Variants in PTPRG observed in about 807,000 individuals in gnomAD.
PTPRG encodes receptor-type tyrosine-protein phosphatase gamma.
In PTPRG, 102 loss-of-function variants were observed where a neutral mutation model predicts 165.3. That is an observed-to-expected ratio of 0.62 (90% CI 0.53 to 0.73). PTPRG has a LOEUF of 0.73. Ranked by LOEUF, PTPRG falls within the 30% of genes least tolerant of loss-of-function variation. The pLI, the probability that PTPRG is intolerant of heterozygous loss-of-function variation, is 0.00. For missense variants in PTPRG, 1,866 were observed against 1,861.4 expected (o/e 1.00, Z -0.05); for synonymous variants, 675 against 669.5 (o/e 1.01, Z -0.13).
intron 2 of PTPRG, among the ~76,000 whole-genome samples, chr3:61,935,260 G>T (rs1335741251): frequency 6.6e-6 from 1 of 152,178 alleles, no homozygotes; most frequent in African/African-American, 2.4e-5. Context: ...TTAAAAGTGT[G>T]ATCTACATAA....
At chr3:62,034,471 C>G (rs140168813) in intron 4 of PTPRG, among the ~76,000 whole-genome samples, 38 of 152,336 alleles carry the variant, frequency 2.5e-4, no homozygotes, top group African/African-American at 8.7e-4. Flanking sequence ...TGCGTGAGGT[C>G]TGATTGTGCG....
intron 4 of PTPRG, among the ~76,000 whole-genome samples, chr3:62,058,218 G>A (rs1700691958): frequency 6.6e-6 from 1 of 152,172 alleles, no homozygotes. Flanking sequence ...ATTGTCTGAT[G>A]TCTAATACAA....
chr3:61,952,433 C>T (rs1298000102), intron 2 of PTPRG, among the ~76,000 whole-genome samples: 1 of 152,144 alleles, frequency 6.6e-6, no homozygotes, highest in Non-Finnish European at 1.5e-5. Context: ...GTTGGAATTC[C>T]TCTAAGGATC....
chr3:61,788,929 C>G (rs1421008657), intron 2 of PTPRG, among the ~76,000 whole-genome samples: 1 of 152,180 alleles, frequency 6.6e-6, no homozygotes, highest in Non-Finnish European at 1.5e-5. Flanking sequence ...CCTTGGCTGA[C>G]AAATTCTCAC....
At chr3:61,824,050 G>C (rs2036035467) in intron 2 of PTPRG, among the ~76,000 whole-genome samples, 1 of 152,142 alleles carries the variant, frequency 6.6e-6, no homozygotes, top group Non-Finnish European at 1.5e-5. Context: ...CATGAACCTG[G>C]GACGCGGAGC....
intron 1 of PTPRG, among the ~76,000 whole-genome samples, chr3:61,686,090 G>A (rs75105986): frequency 0.05 from 7,679 of 152,228 alleles, 264 homozygotes; most frequent in Non-Finnish European, 0.072. Flanking sequence ...TCTTGCGTGG[G>A]GAGGGACTTG....
intron 1 of PTPRG, among the ~76,000 whole-genome samples, chr3:61,698,108 C>T (rs982955761): frequency 9.9e-5 from 15 of 152,072 alleles, no homozygotes; most frequent in Admixed American, 7.2e-4. Flanking sequence ...TGAAGCTTCC[C>T]GTGTCACATA....
intron 28 of PTPRG, among the ~76,000 whole-genome samples, chr3:62,292,003 T>C (rs1032749506): frequency 6.6e-6 from 1 of 152,176 alleles, no homozygotes; most frequent in African/African-American, 2.4e-5. Context: ...GTAAGTTCAA[T>C]TTAACTGTTT....
intron 2 of PTPRG, among the ~76,000 whole-genome samples, chr3:61,983,996 T>C (rs544845200): frequency 6.6e-6 from 1 of 152,200 alleles, no homozygotes; most frequent in Non-Finnish European, 1.5e-5. Context: ...AAACTGAGTA[T>C]GAAGTGAAGT....
intron 2 of PTPRG, chr3:61,750,921 T>A (rs2033402319): frequency 6.6e-6 from 1 of 152,218 alleles, no homozygotes; most frequent in South Asian, 2.1e-4. Context: ...TCCAGTTGAT[T>A]TTTTTCCTAG....
chr3:61,937,173 A>C (rs914080281), intron 2 of PTPRG, among the ~76,000 whole-genome samples: 2 of 152,192 alleles, frequency 1.3e-5, no homozygotes, highest in Non-Finnish European at 2.9e-5. Context: ...GAAAGATGCA[A>C]ACCTTCAAGG....
chr3:62,202,644 C>T (rs1007832037), intron 11 of PTPRG, among the ~76,000 whole-genome samples: 1 of 152,232 alleles, frequency 6.6e-6, no homozygotes, highest in African/African-American at 2.4e-5. Context: ...CCTGTCATTG[C>T]AGACCTGGGC....
At chr3:61,851,208 G>C (rs766785880) in intron 2 of PTPRG, among the ~76,000 whole-genome samples, 1 of 152,164 alleles carries the variant, frequency 6.6e-6, no homozygotes, top group Non-Finnish European at 1.5e-5. Flanking sequence ...GGAGAAAGGG[G>C]AGTTGGGGAA....
At chr3:61,652,185 G>A (rs939829936) in intron 1 of PTPRG, among the ~76,000 whole-genome samples, 3 of 152,090 alleles carry the variant, frequency 2.0e-5, no homozygotes, top group Non-Finnish European at 4.4e-5. Context: ...GTGGATGCCT[G>A]TAATCCCAGC....
Position 62,262,837 on chromosome 3 carries a change from G to C in PTPRG, c.2599G>C (p.Glu867Gln). 1 of 1,613,888 alleles carries C rather than the reference G, an allele frequency of 6.2e-7. No homozygotes were observed. Among genetic ancestry groups the C allele is most frequent in the Non-Finnish European group, 8.5e-7 (1 of 1,179,870 alleles). ...RCTADMNITA[E>Q]HSNHPENKHK... ...TACTGCTGATATGAACATCACTGCA[G>C]AGCATTCCAATCATCCAGAAAACAA... The change falls in exon 17 of 30, where the codon GAG becomes CAG. Residue 867 changes from glutamate (E) to glutamine (Q), a missense_variant. Physicochemically the swap from Glu to Gln is conservative, Grantham distance 29. Transcript: ENST00000474889.
intron 2 of PTPRG, among the ~76,000 whole-genome samples, chr3:61,797,853 CA>C (rs1297641997): frequency 4.0e-5 from 6 of 149,514 alleles, no homozygotes; most frequent in Non-Finnish European, 3.0e-5. Flanking sequence ...TTTTTAATGT[CA>C]AAAAGAAGGA....
At chr3:62,274,294 A>G (rs1576208650) in intron 23 of PTPRG, among the ~76,000 whole-genome samples, 1 of 152,200 alleles carries the variant, frequency 6.6e-6, no homozygotes, top group East Asian at 1.9e-4. Flanking sequence ...AAACAATACT[A>G]GAGAAAAGTT....
chr3:61,597,560 C>A (rs1700734600), intron 1 of PTPRG, among the ~76,000 whole-genome samples: 1 of 152,168 alleles, frequency 6.6e-6, no homozygotes, highest in Non-Finnish European at 1.5e-5. Context: ...GCATGTAAGT[C>A]CATTTGTTAA....
chr3:61,757,346 A>G (rs1036478057), intron 2 of PTPRG, among the ~76,000 whole-genome samples: 3 of 152,082 alleles, frequency 2.0e-5, no homozygotes, highest in African/African-American at 7.2e-5. Context: ...ATTTTTTTTA[A>G]TGACCTTTTT....
Sources: gnomAD v4.1 joint callset for allele counts (sites outside exome capture counted in the v4.1 genomes callset) on GRCh38, gnomAD v4.1.1 for gene constraint, MANE v1.5 for transcripts, NCBI Gene and HGNC (gene_info 2026-07-23, HGNC 2026-07-21) for gene names.